CA4: variants seen among roughly 807,000 people sequenced by gnomAD.
CA4 encodes the protein carbonic anhydrase 4, also known as CA-IV.
A neutral mutation model predicts 34.5 loss-of-function variants in CA4; 24 were observed. The observed-to-expected ratio is 0.70, with a 90% CI of 0.50 to 0.98. CA4 has a LOEUF of 0.98. Among genes scored for constraint, CA4 ranks in the 50% least tolerant of loss-of-function variants. The pLI, the probability that CA4 is intolerant of heterozygous loss-of-function variation, is 0.00. For missense variants in CA4, 394 were observed against 396.7 expected, an observed-to-expected ratio of 0.99 and a Z score of 0.06; for synonymous variants, 178 against 170.6, an observed-to-expected ratio of 1.04 and a Z score of -0.34.
intron 2 of CA4, among the ~76,000 whole-genome samples, chr17:60,155,705 CTCCTG>C (rs1377675712): frequency 2.0e-5 from 3 of 152,102 alleles, no homozygotes; most frequent in African/African-American, 7.2e-5. Flanking sequence ...CACTCACACT[CTCCTG>C]TCCTGGTGCT....
chr17:60,154,877 G>A (rs781573293), intron 1 of CA4, among the ~76,000 whole-genome samples: 4 of 152,212 alleles, frequency 2.6e-5, no homozygotes, highest in Admixed American at 6.5e-5. Flanking sequence ...AAGGCTGCCC[G>A]GTTGAACCTG....
chr17:60,162,103 C>T (rs547738397), downstream of CA4, among the ~76,000 whole-genome samples: 1 of 152,268 alleles, frequency 6.6e-6, no homozygotes, highest in Admixed American at 6.5e-5. Flanking sequence ...ACAGCTTGTC[C>T]AGGGCCTGGG....
In CA4 at chr17:60,149,981, C is replaced by G; in HGVS notation, c.-54C>G. ...GCCGGCAGGATCGCTGCACCCGCGG[C>G]GGCCTCCTCGGTGCGCGACCCCCGG... On this transcript the variant is annotated 5_prime_UTR_variant, in exon 1 of 8. Coordinates refer to ENST00000300900, the MANE Select transcript of CA4 (RefSeq NM_000717.5). The G allele has an allele frequency of 6.9e-7, 1 of 1,441,484 alleles. No individual in the cohort carries two copies. The allele number at this position is 1,441,484 out of a possible 1,614,324, so 89.3% of individuals were successfully genotyped here.
chr17:60,173,480 G>C (rs1434220102), downstream of CA4, among the ~76,000 whole-genome samples: 1 of 152,194 alleles, frequency 6.6e-6, no homozygotes, highest in Admixed American at 6.5e-5. Flanking sequence ...CACTTTATGA[G>C]GCAGTTCGCT....
At chr17:60,150,170 C>T (rs1049730688) in intron 1 of CA4, 78 bp downstream of exon 1, 5 of 1,244,730 alleles carry the variant, frequency 4.0e-6, no homozygotes, top group South Asian at 1.3e-5. Context: ...TGCAGAGGAT[C>T]CCCCCGCGGG....
At chr17:60,157,125 C>A (rs946709947) in intron 3 of CA4, among the ~76,000 whole-genome samples, 1 of 152,138 alleles carries the variant, frequency 6.6e-6, no homozygotes, top group Non-Finnish European at 1.5e-5. Context: ...GACATTACCC[C>A]GAGGACACCA....
At chr17:60,156,108 GC>G (rs768492926) in intron 2 of CA4, among the ~76,000 whole-genome samples, 2 of 152,086 alleles carry the variant, frequency 1.3e-5, no homozygotes, top group African/African-American at 2.4e-5. Context: ...TTCATCAGCA[GC>G]CCCCCCGGGG....
chr17:60,155,287 A>G (rs2083657342), intron 1 of CA4, 27 bp from the exon 2 acceptor site: 13 of 1,608,020 alleles, frequency 8.1e-6, no homozygotes, highest in African/African-American at 1.3e-5. Flanking sequence ...ACGCACGCAC[A>G]CTTCACACCC....
intron 5 of CA4, among the ~76,000 whole-genome samples, chr17:60,165,637 T>C (rs1357653021): frequency 3.9e-5 from 6 of 151,910 alleles, no homozygotes; most frequent in Non-Finnish European, 8.8e-5. Context: ...CATGTCCATC[T>C]CTCTGCTTCT....
chr17:60,173,719 C>T (rs1489312354), downstream of CA4, among the ~76,000 whole-genome samples: 1 of 152,228 alleles, frequency 6.6e-6, no homozygotes, highest in Non-Finnish European at 1.5e-5. Flanking sequence ...TGCAAACTGG[C>T]TGTGAAAGAG....
downstream of CA4, among the ~76,000 whole-genome samples, chr17:60,171,627 T>C (rs1046962143): frequency 6.6e-6 from 1 of 152,198 alleles, no homozygotes; most frequent in African/African-American, 2.4e-5. Flanking sequence ...CTTGGCTTTC[T>C]GAATGCTTAG....
chr17:60,154,447 T>C (rs1306460388), intron 1 of CA4, among the ~76,000 whole-genome samples: 1 of 152,196 alleles, frequency 6.6e-6, no homozygotes, highest in Non-Finnish European at 1.5e-5. Flanking sequence ...TCAGCCAGAA[T>C]TCCAAGCTCT....
At chr17:60,174,040 C>T (rs1164501734), downstream of CA4, among the ~76,000 whole-genome samples, 3 of 152,146 alleles carry the variant, frequency 2.0e-5, no homozygotes, top group East Asian at 1.9e-4. Flanking sequence ...TGTATTGTTT[C>T]CTTAAGTGAG....
At chr17:60,177,746 G>C in the CA4 span, among the ~76,000 whole-genome samples, 3 of 152,138 alleles carry the variant, frequency 2.0e-5, no homozygotes, top group African/African-American at 4.8e-5. Context: ...AGCCATTTAA[G>C]ATAACCTTTC....
intron 1 of CA4, among the ~76,000 whole-genome samples, chr17:60,152,316 C>T (rs1456160916): frequency 1.3e-5 from 2 of 151,882 alleles, no homozygotes; most frequent in Non-Finnish European, 2.9e-5. Flanking sequence ...GCCACCAGCA[C>T]CCCACCCTCA....
intron 1 of CA4, among the ~76,000 whole-genome samples, chr17:60,153,733 C>G (rs2083629871): frequency 6.6e-6 from 1 of 152,204 alleles, no homozygotes; most frequent in Admixed American, 6.5e-5. Flanking sequence ...CTTCGGAGCT[C>G]TGCCCCACTG....
intron 5 of CA4, among the ~76,000 whole-genome samples, chr17:60,167,026 G>A (rs1242953079): frequency 7.2e-5 from 11 of 152,170 alleles, no homozygotes; most frequent in Non-Finnish European, 1.2e-4. Flanking sequence ...TCTGATACTT[G>A]AGTCCGCACA....
downstream of CA4, among the ~76,000 whole-genome samples, chr17:60,175,849 G>A (rs572288180): frequency 5.7e-5 from 8 of 140,766 alleles, no homozygotes; most frequent in South Asian, 4.4e-4. Flanking sequence ...ACGGAGTTTC[G>A]CTCGTTTCCC....
intron 5 of CA4, among the ~76,000 whole-genome samples, chr17:60,166,727 G>C (rs1006770106): frequency 6.6e-6 from 1 of 152,208 alleles, no homozygotes; most frequent in East Asian, 1.9e-4. Context: ...AGGCCAAGGG[G>C]GGGGCGGATC....
Sources: gnomAD v4.1 joint callset for allele counts (sites outside exome capture counted in the v4.1 genomes callset) on GRCh38, gnomAD v4.1.1 for gene constraint, MANE v1.5 for transcripts, NCBI Gene and HGNC (gene_info 2026-07-23, HGNC 2026-07-21) for gene names.